The following NRG1 variants were observed in gnomAD, a reference collection of about 807,000 sequenced individuals.
NRG1 encodes neuregulin 1, also known as pro-neuregulin-1, membrane-bound isoform.
A neutral mutation model predicts 63.8 loss-of-function variants in NRG1; 18 were observed. That is an observed-to-expected ratio of 0.28 (90% CI 0.19 to 0.42). NRG1 has a LOEUF of 0.42. Among genes scored for constraint, NRG1 ranks in the 10% least tolerant of loss-of-function variants. The pLI is 1.00. For missense variants in NRG1, 762 were observed against 814.7 expected, an observed-to-expected ratio of 0.94 and a Z score of 0.79; for synonymous variants, 302 against 301.3, an observed-to-expected ratio of 1.00 and a Z score of -0.02.
intron 7 of NRG1, among the ~76,000 whole-genome samples, chr8:32,746,867 CT>C (rs376346951): frequency 0.042 from 5,375 of 127,236 alleles, 80 homozygotes; most frequent in African/African-American, 0.05. Context: ...GTGTATTCTG[CT>C]TTTTTTTTTT....
chr8:32,585,361 G>A (rs190614762), intron 1 of NRG1, among the ~76,000 whole-genome samples: 83 of 152,268 alleles, frequency 5.5e-4, no homozygotes, highest in Admixed American at 5.2e-3. Context: ...CTTTATGTCC[G>A]AGAGTGAGAT....
rs568131679 is a variant in NRG1, at chr8:31,724,898, A to G, written c.37+85467A>G. Among the ~76,000 whole-genome samples the G allele has an allele frequency of 2.4e-4, 36 of 152,276 alleles. No individual in the cohort carries two copies. The South Asian group carries it at 7.5e-3, about 32-fold the overall frequency. ...GTAAAAGGCAAGAGAGAAATATTTT[A>G]TGCTTTTGTGAACCATAGGTCTCTG... On this transcript the variant is annotated intron_variant, in intron 1 of 10. Transcript: ENST00000519301.
chr8:31,967,110 A>G (rs751984387), intron 1 of NRG1, among the ~76,000 whole-genome samples: 17 of 152,178 alleles, frequency 1.1e-4, no homozygotes, highest in Non-Finnish European at 2.2e-4. Context: ...TTGAAAAACC[A>G]GGCTGTGGAT....
chr8:31,688,244 A>C (rs1809112392), intron 1 of NRG1, among the ~76,000 whole-genome samples: 1 of 152,208 alleles, frequency 6.6e-6, no homozygotes, highest in African/African-American at 2.4e-5. Context: ...GATGGTATTA[A>C]GAGGTAGGAC....
intron 1 of NRG1, among the ~76,000 whole-genome samples, chr8:32,380,270 C>T (rs989592630): frequency 2.6e-5 from 4 of 152,098 alleles, no homozygotes; most frequent in East Asian, 1.9e-4. Flanking sequence ...CAATCCTTTT[C>T]GGTTTTCCTC....
intron 1 of NRG1, among the ~76,000 whole-genome samples, chr8:31,743,624 T>G (rs1815540131): frequency 6.6e-6 from 1 of 151,628 alleles, no homozygotes; most frequent in Non-Finnish European, 1.5e-5. Context: ...CCAGGAAAAA[T>G]TATTACTTGA....
intron 1 of NRG1, among the ~76,000 whole-genome samples, chr8:31,899,109 C>CTT (rs35827479): frequency 1.4e-5 from 2 of 147,560 alleles, no homozygotes; most frequent in Non-Finnish European, 1.5e-5. Context: ...TTTAAGTTTC[C>CTT]TTTTTTTTTT....
chr8:32,754,605 TA>T (rs1203112424), intron 8 of NRG1, 131 bp downstream of exon 8: 1 of 771,040 alleles, frequency 1.3e-6, no homozygotes, highest in African/African-American at 1.7e-5. Flanking sequence ...AGGGGGAGAT[TA>T]TTTCCTCTGA....
intron 1 of NRG1, among the ~76,000 whole-genome samples, chr8:31,817,095 A>G (rs573356168): frequency 6.6e-6 from 1 of 152,360 alleles, no homozygotes; most frequent in Admixed American, 6.5e-5. Context: ...CAGTGCTTGC[A>G]TAAAGTCTCT....
chr8:32,025,841 G>A (rs1038294811), intron 1 of NRG1, among the ~76,000 whole-genome samples: 12 of 150,918 alleles, frequency 8.0e-5, no homozygotes, highest in African/African-American at 2.7e-4. Context: ...CCAGCTACTC[G>A]GGGCTGAGGC....
intron 1 of NRG1, among the ~76,000 whole-genome samples, chr8:32,478,869 G>T (rs150876495): frequency 6.6e-6 from 1 of 152,282 alleles, no homozygotes; most frequent in East Asian, 1.9e-4. Context: ...TCTTTGTGGT[G>T]TGTGTCTTTA....
chr8:31,991,942 A>G (rs1346893160), intron 1 of NRG1, among the ~76,000 whole-genome samples: 1 of 151,992 alleles, frequency 6.6e-6, no homozygotes, highest in African/African-American at 2.4e-5. Flanking sequence ...AGAACCTGAT[A>G]GAAAATAAAG....
chr8:32,091,553 C>T (rs561926336), intron 1 of NRG1, among the ~76,000 whole-genome samples: 1 of 152,326 alleles, frequency 6.6e-6, no homozygotes, highest in South Asian at 2.1e-4. Context: ...CACATGCCCA[C>T]AGGCTGGTAT....
chr8:32,071,268 T>C (rs1402834422), intron 1 of NRG1, among the ~76,000 whole-genome samples: 1 of 152,220 alleles, frequency 6.6e-6, no homozygotes, highest in Non-Finnish European at 1.5e-5. Context: ...AATATCTTTG[T>C]AAATAAATGA....
At chr8:32,747,732 G>GTATA (rs35663919) in intron 7 of NRG1, among the ~76,000 whole-genome samples, 3,777 of 132,010 alleles carry the variant, frequency 0.029, 85 homozygotes, top group Middle Eastern at 0.085. Context: ...ATGTGTGTGT[G>GTATA]TATATATATA....
chr8:32,317,322 G>A (rs182995266), intron 1 of NRG1, among the ~76,000 whole-genome samples: 44 of 152,286 alleles, frequency 2.9e-4, no homozygotes, highest in African/African-American at 9.4e-4. Flanking sequence ...TACTGGCCCT[G>A]CTAAACAAGA....
intron 1 of NRG1, among the ~76,000 whole-genome samples, chr8:32,281,849 A>G (rs1189171967): frequency 1.3e-5 from 2 of 152,164 alleles, no homozygotes; most frequent in African/African-American, 2.4e-5. Context: ...GATAAATTTT[A>G]TGCTGTATGT....
chr8:31,973,895 T>C (rs1479406110), intron 1 of NRG1, among the ~76,000 whole-genome samples: 2 of 152,176 alleles, frequency 1.3e-5, no homozygotes, highest in Non-Finnish European at 2.9e-5. Flanking sequence ...TGAAAAGCTA[T>C]GAAAGAGCTT....
At chr8:31,696,808 G>T (rs2131163525) in intron 1 of NRG1, among the ~76,000 whole-genome samples, 1 of 152,264 alleles carries the variant, frequency 6.6e-6, no homozygotes, top group Admixed American at 6.5e-5. Context: ...TCTGACTTCA[G>T]CCCAGGGGTC....
Sources: allele counts gnomAD v4.1 joint callset (sites outside exome capture counted in the v4.1 genomes callset), GRCh38; gene constraint gnomAD v4.1.1; transcripts MANE v1.5; gene names NCBI Gene and HGNC (gene_info 2026-07-23, HGNC 2026-07-21).